The following CFAP46 variants were observed in gnomAD, a reference collection of about 807,000 sequenced individuals.
CFAP46 encodes the protein cilia- and flagella-associated protein 46.
In CFAP46, 245 loss-of-function variants were observed where a neutral mutation model predicts 325.7. That is an observed-to-expected ratio of 0.75 (90% CI 0.68 to 0.84). The LOEUF (loss-of-function observed/expected upper bound fraction) is 0.84. CFAP46 is among the 40% of genes least tolerant of loss of function. CFAP46 has a pLI of 0.00. For synonymous variants in CFAP46, 1,523 were observed against 1,495.9 expected, an observed-to-expected ratio of 1.02 and a Z score of -0.42; for missense variants, 3,346 against 3,543.0, an observed-to-expected ratio of 0.94 and a Z score of 1.41.
At chr10:132,908,352 T>C in intron 22 of CFAP46, 116 bp downstream of exon 22, 1 of 1,298,098 alleles carries the variant, frequency 7.7e-7, no homozygotes, top group Admixed American at 2.1e-5. Flanking sequence ...CCGCGCTCCC[T>C]GCCCGTTTTG....
intron 22 of CFAP46, among the ~76,000 whole-genome samples, chr10:132,902,803 T>C (rs1849408907): frequency 6.6e-6 from 1 of 152,252 alleles, no homozygotes; most frequent in Non-Finnish European, 1.5e-5. Context: ...GGCAGTTAAT[T>C]ACTGGTGGCT....
At chr10:132,912,368 CTT>C (rs974157897) in intron 19 of CFAP46, among the ~76,000 whole-genome samples, 2 of 138,056 alleles carry the variant, frequency 1.4e-5, no homozygotes, top group Non-Finnish European at 1.6e-5. Flanking sequence ...TTTCTCCTCT[CTT>C]CTCTCTGCTT....
rs770531193 is a variant in CFAP46 at position 132,832,366 on chromosome 10, C to T, written c.7117+992G>A. On this transcript the variant is annotated intron_variant, in intron 50 of 57. Coordinates refer to ENST00000368586, the MANE Select transcript of CFAP46 (RefSeq NM_001200049.3). The surrounding 1 kb of genome is among the most constrained non-coding windows in gnomAD (Gnocchi z 4.1). ...CTCCAAACTGTCTGTCCTCAACTTG[C>T]GGAGACCCCTGGGCTCTTCCTGCCC... Among the ~76,000 whole-genome samples the T allele has an allele frequency of 1.0e-4, 15 of 146,026 alleles. No individual in the cohort carries two copies. The highest frequency in any genetic ancestry group is 7.8e-5 in the African/African-American group (3 of 38,662).
chr10:132,835,288 G>T lies in CFAP46; in HGVS notation c.6744+16C>A. Reference sequence around the variant, plus strand: ...GAGGGTCCCGGCTGGGTGGCTTGGAGCCTGGAGGGCCTCACCGAGCCTATG... The same window carrying T: ...GAGGGTCCCGGCTGGGTGGCTTGGATCCTGGAGGGCCTCACCGAGCCTATG... On this transcript the variant is annotated intron_variant, in intron 47 of 57. Coordinates refer to ENST00000368586, the MANE Select transcript of CFAP46 (RefSeq NM_001200049.3). The T allele has an allele frequency of 6.2e-7, 1 of 1,611,232 alleles. No homozygotes were observed. The highest frequency in any genetic ancestry group is 8.5e-7 in the Non-Finnish European group (1 of 1,179,148).
At chr10:132,850,473 C>T in intron 40 of CFAP46, 41 bp from the exon 41 acceptor site, 1 of 1,497,734 alleles carries the variant, frequency 6.7e-7, no homozygotes, top group Non-Finnish European at 9.0e-7. Flanking sequence ...ACCCCAAGGG[C>T]AACCGCCCAC....
At chr10:132,897,588 T>C (rs1849335600) in intron 24 of CFAP46, among the ~76,000 whole-genome samples, 1 of 152,266 alleles carries the variant, frequency 6.6e-6, no homozygotes, top group Non-Finnish European at 1.5e-5. Context: ...AGTGGGAGGC[T>C]AAGCCCTGGG....
intron 17 of CFAP46, among the ~76,000 whole-genome samples, chr10:132,914,869 TC>T (rs1203934069): frequency 6.6e-6 from 1 of 152,216 alleles, no homozygotes; most frequent in Non-Finnish European, 1.5e-5. Context: ...CCTCCTGGCT[TC>T]GCTCCACACT....
intron 50 of CFAP46, among the ~76,000 whole-genome samples, chr10:132,821,191 CTGTG>C (rs780543737): frequency 4.8e-5 from 5 of 104,358 alleles, no homozygotes; most frequent in African/African-American, 1.9e-4. Flanking sequence ...GCTGTGTGTG[CTGTG>C]TGAGTGCTGA....
chr10:132,939,574 G>A lies in CFAP46; in HGVS notation c.372-821C>T, dbSNP rs1440230047. Among the ~76,000 whole-genome samples the A allele has an allele frequency of 1.3e-5, 2 of 152,208 alleles. No individual in the cohort carries two copies. Among genetic ancestry groups the A allele is most frequent in the Admixed American group, 1.3e-4 (2 of 15,286 alleles). On this transcript the variant is annotated intron_variant, in intron 4 of 57. Transcript: ENST00000368586. The surrounding 1 kb of genome is among the most constrained non-coding windows in gnomAD (Gnocchi z 4.6). ...GTGGGAGGAGGACACCAGGGTGGCT[G>A]TGGCAAGCCCACTCCTCTGAGTTTA...
In CFAP46 at chr10:132,924,729, G is replaced by A. The variant is rs759657298; in HGVS notation, c.1223C>T (p.Ala408Val). 6 of 1,539,276 alleles carry A rather than the reference G, an allele frequency of 3.9e-6. No individual in the cohort carries two copies. In the South Asian group the frequency reaches 7.2e-5, roughly 18 times the overall value. The change falls in exon 11 of 58, where the codon GCT (alanine) becomes GTT (valine). Residue 408 changes from alanine to valine, a missense_variant. By Grantham distance (64) the Ala-to-Val change is moderately conservative. Transcript: ENST00000368586. ...CTTCTCCAGCACGTCCGCAACGCCA[G>A]CCAGGGGCTTCCGCAGGTGGTGCCG... ...NLRHHLRKPL[A>V]GVADVLEKLD...
chr10:132,812,676 G>T (rs1220456724), intron 55 of CFAP46, 109 bp downstream of exon 55: 8 of 751,434 alleles, frequency 1.1e-5, no homozygotes, highest in Non-Finnish European at 1.6e-5. Flanking sequence ...GGGGGCTGCG[G>T]CCACAGGGGG....
chr10:132,921,774 G>A (rs1849725584), intron 13 of CFAP46, among the ~76,000 whole-genome samples: 1 of 152,238 alleles, frequency 6.6e-6, no homozygotes. Context: ...CACAAGCCAA[G>A]GAAGAGCACT....
At chr10:132,845,937 G>C in intron 44 of CFAP46, 120 bp downstream of exon 44, 2 of 1,112,540 alleles carry the variant, frequency 1.8e-6, no homozygotes, top group East Asian at 5.2e-5. Context: ...GGGAGGGATG[G>C]CTCATGAGCT....
chr10:132,821,377 T>TGA (rs1463211184), intron 50 of CFAP46, among the ~76,000 whole-genome samples: 3 of 140,082 alleles, frequency 2.1e-5, no homozygotes, highest in African/African-American at 8.5e-5. Flanking sequence ...GTGTGCTGTG[T>TGA]GTGCACTGAT....
chr10:132,847,344 G>A lies in CFAP46; in HGVS notation c.5953-23C>T. ...CACCTGTGACACACATTGCAGGTTG[G>A]CAGACACTTCTGGGTTCCTGCTTGG... On this transcript the variant is annotated intron_variant, in intron 41 of 57. Coordinates refer to ENST00000368586, the MANE Select transcript of CFAP46 (RefSeq NM_001200049.3). The surrounding 1 kb of genome is among the most constrained non-coding windows in gnomAD (Gnocchi z 5.2). 6.2e-7 allele frequency: 1 copy of A among 1,612,460 alleles called. No individual in the cohort carries two copies. Among genetic ancestry groups the A allele is most frequent in the Non-Finnish European group, 8.5e-7 (1 of 1,179,350 alleles).
intron 35 of CFAP46, among the ~76,000 whole-genome samples, chr10:132,864,581 CT>C (rs1442427615): frequency 3.0e-5 from 3 of 100,814 alleles, no homozygotes; most frequent in Admixed American, 9.7e-5. Context: ...ATCTGTCCCC[CT>C]GCCTGAGACC....
At chr10:132,935,290 TGAG>T (rs1849975600) in intron 7 of CFAP46, among the ~76,000 whole-genome samples, 5 of 140,908 alleles carry the variant, frequency 3.5e-5, no homozygotes, top group African/African-American at 6.0e-5. Context: ...CTCACTCCCC[TGAG>T]CACCCAAACA....
rs1157064782 is a variant in CFAP46, at chr10:132,827,879, T to C, written c.7117+5479A>G. Among the ~76,000 whole-genome samples, 2 of 150,738 alleles carry C rather than the reference T, an allele frequency of 1.3e-5. No individual in the cohort carries two copies. Among genetic ancestry groups the C allele is most frequent in the Non-Finnish European group, 3.0e-5 (2 of 67,762 alleles). ...TAAAAATGAAACCATCCCTGTGCAC[T>C]CCCTTGATCCAGCCTCTTTCCCTCA... On this transcript the variant is annotated intron_variant, in intron 50 of 57. Transcript: ENST00000368586. This position sits in a 1 kb window ranked among gnomAD's most constrained non-coding sequence, Gnocchi z 5.7.
chr10:132,848,225 T>TA (rs1448526634), intron 41 of CFAP46, among the ~76,000 whole-genome samples: 2 of 152,064 alleles, frequency 1.3e-5, no homozygotes, highest in Non-Finnish European at 2.9e-5. Flanking sequence ...TTAAACAAGA[T>TA]ACAATCATCA....
Sources: gnomAD v4.1 joint callset for allele counts (sites outside exome capture counted in the v4.1 genomes callset) on GRCh38, gnomAD v4.1.1 for gene constraint, Gnocchi (gnomAD v3.1) non-coding constraint, MANE v1.5 for transcripts, NCBI Gene and HGNC (gene_info 2026-07-23, HGNC 2026-07-21) for gene names.